The following UGT1A10 variants were observed in gnomAD, a reference collection of about 807,000 sequenced individuals.
UGT1A10 encodes UDP glucuronosyltransferase family 1 member A10.
Under a neutral mutation model 45.8 loss-of-function variants are expected in UGT1A10, and 49 were observed. The observed-to-expected ratio is 1.07, with a 90% CI of 0.85 to 1.36. The LOEUF (loss-of-function observed/expected upper bound fraction) is 1.36, where lower values mean the gene tolerates loss of function less well. Among genes scored for constraint, UGT1A10 ranks in the 40% most tolerant of loss-of-function variants. The pLI, the probability that UGT1A10 is intolerant of heterozygous loss-of-function variation, is 0.00. For synonymous variants in UGT1A10, 284 were observed against 249.7 expected, an observed-to-expected ratio of 1.14 and a Z score of -1.29; for missense variants, 745 against 668.6, an observed-to-expected ratio of 1.11 and a Z score of -1.26.
Position 233,637,260 on chromosome 2 carries a change from T to C in UGT1A10, c.738T>C (p.Ser246=), listed in dbSNP as rs763617386. 1.7e-5 allele frequency: 28 copies of C among 1,613,878 alleles called. No individual in the cohort carries two copies. Among genetic ancestry groups the C allele is most frequent in the East Asian group, 6.7e-5 (3 of 44,902 alleles). ...QTPVTAYDLY[S]HTSIWLLRTD... is the part of the protein sequence containing the mutation. ...CTGTCACGGCATATGATCTCTACAGTCACACATCAATTTGGTTGTTGCGAA... is the reference window on the plus strand; with the variant it reads ...CTGTCACGGCATATGATCTCTACAGCCACACATCAATTTGGTTGTTGCGAA... Residue 246 remains serine, a synonymous_variant, in exon 1 of 5, where the codon AGT becomes AGC. Transcript: ENST00000344644.
rs1483426687 is a variant in UGT1A10, at chr2:233,681,490, C to A, written c.855+44113C>A. On this transcript the variant is annotated intron_variant, in intron 1 of 4. Transcript: ENST00000344644. ...AGGTTGCAGTGAGCCTAGATCTTAC[C>A]ACTGCACTCCAGCCTGGATGACACA... Among the ~76,000 whole-genome samples, 4 of 141,844 alleles carry A rather than the reference C, an allele frequency of 2.8e-5. No homozygotes were observed. The Admixed American group carries it at 2.9e-4, about 10-fold the overall frequency. The allele number at this position is 141,844 out of a possible 152,430, so 93.1% of individuals were successfully genotyped here. A position where few individuals can be genotyped will look rare whatever the true frequency, so the allele number is the denominator to read the frequency against.
At chr2:233,648,337 G>T in intron 1 of UGT1A10, 6 of 472,052 alleles carry the variant, frequency 1.3e-5, no homozygotes, top group South Asian at 1.0e-4. Flanking sequence ...GGTGGTCTTC[G>T]CCAGAGGAAT....
chr2:233,656,654 TTTTAACAC>T (rs779067505), intron 1 of UGT1A10, among the ~76,000 whole-genome samples: 41 of 152,252 alleles, frequency 2.7e-4, no homozygotes, highest in Non-Finnish European at 2.8e-4. Context: ...CTCATCTCTA[TTTTAACAC>T]TAAAGTGGGT....
At chr2:233,711,815 G>A (rs1445838200) in intron 1 of UGT1A10, among the ~76,000 whole-genome samples, 1 of 152,182 alleles carries the variant, frequency 6.6e-6, no homozygotes, top group East Asian at 1.9e-4. Flanking sequence ...ATCATCCTGG[G>A]GCGACCAGGA....
intron 1 of UGT1A10, among the ~76,000 whole-genome samples, chr2:233,710,315 T>G (rs1041842675): frequency 6.6e-6 from 1 of 152,244 alleles, no homozygotes; most frequent in African/African-American, 2.4e-5. Context: ...GGTAGGTGTA[T>G]GTATGACTTC....
intron 1 of UGT1A10, among the ~76,000 whole-genome samples, chr2:233,707,881 G>T (rs1356249907): frequency 6.6e-6 from 1 of 152,126 alleles, no homozygotes. Flanking sequence ...GATTGCTAAG[G>T]CATTAGTTAT....
chr2:233,713,544 A>C, intron 1 of UGT1A10: 2 of 1,613,986 alleles, frequency 1.2e-6, no homozygotes, highest in Non-Finnish European at 1.7e-6. Flanking sequence ...CTTTAAGGGC[A>C]CACAGTGTCC....
chr2:233,725,495 C>A (rs1341757937), intron 1 of UGT1A10, among the ~76,000 whole-genome samples: 1 of 151,610 alleles, frequency 6.6e-6, no homozygotes, highest in Non-Finnish European at 1.5e-5. Flanking sequence ...AAAAAGAAAC[C>A]ACTGAAATTA....
At chr2:233,726,124 C>T (rs1256965753) in intron 1 of UGT1A10, among the ~76,000 whole-genome samples, 1 of 152,176 alleles carries the variant, frequency 6.6e-6, no homozygotes, top group Non-Finnish European at 1.5e-5. Flanking sequence ...CATGTTCACA[C>T]CACCTCACTC....
In UGT1A10 at chr2:233,750,001, G is replaced by A. The variant is rs1213744454; in HGVS notation, c.856-17033G>A. On this transcript the variant is annotated intron_variant, in intron 1 of 4. Coordinates refer to ENST00000344644, the MANE Select transcript of UGT1A10 (RefSeq NM_019075.4). ...TGAGAATGGACTAATATATTAAATTGGTGCCATGGAGAGTGGAGTACTGCT... is the reference window on the plus strand; with the variant it reads ...TGAGAATGGACTAATATATTAAATTAGTGCCATGGAGAGTGGAGTACTGCT... Among the ~76,000 whole-genome samples the A allele has an allele frequency of 7.9e-5, 12 of 151,794 alleles. 1 individual carries two copies. Among genetic ancestry groups the A allele is most frequent in the African/African-American group, 2.7e-4 (11 of 41,062 alleles).
chr2:233,732,182 G>A (rs1190810291), intron 1 of UGT1A10, among the ~76,000 whole-genome samples: 1 of 152,108 alleles, frequency 6.6e-6, no homozygotes, highest in Non-Finnish European at 1.5e-5. Flanking sequence ...TGTAGATTCT[G>A]GATATTAGCC....
At chr2:233,702,266 A>G (rs17862866) in intron 1 of UGT1A10, among the ~76,000 whole-genome samples, 87,251 of 152,024 alleles carry the variant, frequency 0.57, 27,041 homozygotes, top group African/African-American at 0.82. Flanking sequence ...AAATACATGA[A>G]TAGCTTTTTC....
chr2:233,722,240 A>G (rs538416824), intron 1 of UGT1A10, among the ~76,000 whole-genome samples: 40 of 152,326 alleles, frequency 2.6e-4, no homozygotes, highest in Middle Eastern at 6.8e-3. Flanking sequence ...ATCATGTATT[A>G]TCTGTGACAG....
intron 1 of UGT1A10, among the ~76,000 whole-genome samples, chr2:233,687,636 C>CTAA (rs2125537865): frequency 6.7e-6 from 1 of 150,176 alleles, no homozygotes; most frequent in African/African-American, 2.4e-5. Flanking sequence ...AGTGTGGTGG[C>CTAA]TCACACATGT....
At chr2:233,667,824 A>G (rs1485453746) in intron 1 of UGT1A10, among the ~76,000 whole-genome samples, 1 of 152,230 alleles carries the variant, frequency 6.6e-6, no homozygotes, top group Admixed American at 6.5e-5. Flanking sequence ...AATCAAAACC[A>G]CAATGAGATA....
Position 233,772,387 on chromosome 2 carries a change from C to A in UGT1A10, c.1421C>A (p.Ala474Glu). 1.2e-6 allele frequency: 2 copies of A among 1,614,274 alleles called. No individual in the cohort carries two copies. Among genetic ancestry groups the A allele is most frequent in the Non-Finnish European group, 1.7e-6 (2 of 1,180,048 alleles). ...AAGGGCGCGCCACACCTGCGCCCCG[C>A]AGCCCACGACCTCACCTGGTACCAG... ...RHKGAPHLRP[A>E]AHDLTWYQYH... is the part of the protein sequence containing the mutation. Residue 474 changes from alanine to glutamate, a missense_variant, in exon 5 of 5, where the codon GCA (alanine) becomes GAA (glutamate). Transcript: ENST00000344644.
intron 1 of UGT1A10, among the ~76,000 whole-genome samples, chr2:233,681,148 C>G (rs1481632068): frequency 6.6e-6 from 1 of 151,744 alleles, no homozygotes; most frequent in African/African-American, 2.4e-5. Flanking sequence ...CAATTTCCTC[C>G]CAGTTAGGAG....
chr2:233,688,950 A>G (rs1267065025), intron 1 of UGT1A10, among the ~76,000 whole-genome samples: 1 of 152,154 alleles, frequency 6.6e-6, no homozygotes, highest in Non-Finnish European at 1.5e-5. Context: ...ATGAAGCCAA[A>G]TGTTTGGAAT....
At chr2:233,695,435 CTT>C (rs747907611) in intron 1 of UGT1A10, among the ~76,000 whole-genome samples, 1 of 130,420 alleles carries the variant, frequency 7.7e-6, no homozygotes, top group Non-Finnish European at 1.7e-5. Flanking sequence ...TCTTCTTCTT[CTT>C]TTTTTTTTGA....
Sources: gnomAD v4.1 joint callset for allele counts (sites outside exome capture counted in the v4.1 genomes callset) on GRCh38, gnomAD v4.1.1 for gene constraint, MANE v1.5 for transcripts, NCBI Gene and HGNC (gene_info 2026-07-23, HGNC 2026-07-21) for gene names.